Variants in EYA3 observed in about 807,000 individuals in gnomAD.
EYA3 encodes the protein EYA transcriptional coactivator and phosphatase 3.
Under a neutral mutation model 80.0 loss-of-function variants are expected in EYA3, and 39 were observed. That is an observed-to-expected ratio of 0.49 (90% confidence interval 0.38 to 0.64). The LOEUF (loss-of-function observed/expected upper bound fraction) is 0.64, where lower values mean the gene tolerates loss of function less well. Among genes scored for constraint, EYA3 ranks in the 30% least tolerant of loss-of-function variants. The probability of loss-of-function intolerance (pLI) is 0.00; values close to 1 mark genes in which losing one functional copy is unlikely to be tolerated. For synonymous variants in EYA3, 206 were observed against 232.8 expected (o/e 0.88, Z 1.05); for missense variants, 523 against 676.1 (o/e 0.77, Z 2.51).
rs549687694 is a variant in EYA3 at position 27,971,381 on chromosome 1, G to A, written c.*3085C>T. On this transcript the variant is annotated 3_prime_UTR_variant, in exon 18 of 18. Transcript: ENST00000373871. ...GGCCAAGGTGAGCAGATCACCTGAG[G>A]TCAGGAGTTTGAGAACAGCCTGGTC... 1 of 152,252 alleles carries A rather than the reference G, an allele frequency of 6.6e-6. No individual in the cohort carries two copies. Among genetic ancestry groups the A allele is most frequent in the East Asian group, 1.9e-4 (1 of 5,164 alleles). 9.4% of individuals were successfully genotyped at this position (152,252 alleles called of 1,614,324 possible). A position where few individuals can be genotyped will look rare whatever the true frequency, so the allele number is the denominator to read the frequency against.
intron 1 of EYA3, among the ~76,000 whole-genome samples, chr1:28,067,266 GAAAC>G (rs1448196680): frequency 2.0e-5 from 3 of 152,102 alleles, no homozygotes; most frequent in Non-Finnish European, 2.9e-5. Flanking sequence ...CGAAAAATGA[GAAAC>G]AAACAACATG....
chr1:28,058,232 CG>C lies in EYA3; in HGVS notation c.-68-139del, dbSNP rs1644500725. On this transcript the variant is annotated intron_variant, in intron 1 of 17. Transcript: ENST00000373871. ...CCAATCACAAAATCTCAAACCTGCACGTGGCTTTTCAAAAATGACATGCTAC... is the reference window on the plus strand; with the variant it reads ...CCAATCACAAAATCTCAAACCTGCACTGGCTTTTCAAAAATGACATGCTAC... 4 of 413,502 alleles carry C rather than the reference CG, an allele frequency of 9.7e-6. No individual in the cohort carries two copies. The South Asian group carries it at 2.9e-4, about 30-fold the overall frequency. 25.6% of individuals were successfully genotyped at this position (413,502 alleles called of 1,614,324 possible).
intron 8 of EYA3, among the ~76,000 whole-genome samples, chr1:28,014,474 T>C (rs560489086): frequency 5.3e-4 from 76 of 142,698 alleles, no homozygotes; most frequent in African/African-American, 2.0e-3. Context: ...ACGCCTATAA[T>C]TCCAGCACTT....
chr1:28,022,118 T>C (rs1004688706), intron 7 of EYA3, among the ~76,000 whole-genome samples: 2 of 152,188 alleles, frequency 1.3e-5, no homozygotes, highest in African/African-American at 4.8e-5. Context: ...ACAAGGAGCT[T>C]AGTAAATCAA....
At chr1:28,050,750 C>G (rs1204936717) in intron 2 of EYA3, among the ~76,000 whole-genome samples, 1 of 152,028 alleles carries the variant, frequency 6.6e-6, no homozygotes, top group Non-Finnish European at 1.5e-5. Flanking sequence ...ATGCCCCCCT[C>G]TAAGGCAGGG....
intron 17 of EYA3, chr1:27,977,277 C>A (rs199658850): frequency 7.1e-6 from 11 of 1,546,254 alleles, no homozygotes; most frequent in African/African-American, 4.1e-5. Context: ...AACTGATTAC[C>A]AATCTCATAG....
intron 1 of EYA3, among the ~76,000 whole-genome samples, chr1:28,086,812 T>G (rs1645673217): frequency 6.6e-6 from 1 of 152,200 alleles, no homozygotes; most frequent in African/African-American, 2.4e-5. Flanking sequence ...ATAAGAAACT[T>G]TCAAAGAGGC....
intron 1 of EYA3, among the ~76,000 whole-genome samples, chr1:28,077,830 C>T (rs977638925): frequency 6.6e-6 from 1 of 152,104 alleles, no homozygotes; most frequent in South Asian, 2.1e-4. Flanking sequence ...CAAAGTTGTA[C>T]CCTATGTCAT....
rs2148712741 is a variant in EYA3, at chr1:27,984,130, G to C, written c.1540+4405C>G. Among the ~76,000 whole-genome samples, 3 of 152,158 alleles carry C rather than the reference G, an allele frequency of 2.0e-5. No homozygotes were observed. The South Asian group carries it at 6.2e-4, about 32-fold the overall frequency. ...CTCACTGCAGCCTCCTTGAACTCTT[G>C]GGCTCAAGTGATCCTCCCGCCTTAG... On this transcript the variant is annotated intron_variant, in intron 16 of 17. Coordinates refer to ENST00000373871, the MANE Select transcript of EYA3 (RefSeq NM_001990.4).
intron 5 of EYA3, among the ~76,000 whole-genome samples, chr1:28,036,175 T>C (rs917080831): frequency 1.3e-5 from 2 of 152,182 alleles, no homozygotes; most frequent in African/African-American, 4.8e-5. Context: ...TCTCCTATCA[T>C]CAACCCAAGG....
intron 16 of EYA3, among the ~76,000 whole-genome samples, chr1:27,984,165 T>A (rs771106073): frequency 3.3e-5 from 5 of 152,080 alleles, no homozygotes; most frequent in Non-Finnish European, 7.4e-5. Flanking sequence ...GCCTCTTGAG[T>A]AGCTGGGATT....
intron 1 of EYA3, among the ~76,000 whole-genome samples, chr1:28,060,968 C>A (rs1207225708): frequency 6.6e-6 from 1 of 152,096 alleles, no homozygotes. Flanking sequence ...GAGCTGAGAT[C>A]GCACCACTGC....
At chr1:28,059,789 C>A (rs954860217) in intron 1 of EYA3, among the ~76,000 whole-genome samples, 1 of 146,348 alleles carries the variant, frequency 6.8e-6, no homozygotes, top group Non-Finnish European at 1.5e-5. Flanking sequence ...GGCGCAATCT[C>A]GGCTAACTGC....
At chr1:28,050,824 T>C (rs1444760319) in intron 2 of EYA3, among the ~76,000 whole-genome samples, 1 of 152,180 alleles carries the variant, frequency 6.6e-6, no homozygotes, top group Non-Finnish European at 1.5e-5. Flanking sequence ...ACAGACAGAT[T>C]TTACTCAATT....
Position 28,035,609 on chromosome 1 carries a change from A to G in EYA3, c.296T>C (p.Leu99Pro). 3 of 1,614,020 alleles carry G rather than the reference A, an allele frequency of 1.9e-6. No homozygotes were observed. Among genetic ancestry groups the G allele is most frequent in the Non-Finnish European group, 2.5e-6 (3 of 1,179,884 alleles). The change falls in exon 6 of 18, where the codon CTA (leucine) becomes CCA (proline). Residue 99 changes from leucine to proline, a missense_variant. Coordinates refer to ENST00000373871, the MANE Select transcript of EYA3 (RefSeq NM_001990.4). ...GACAGCATAGGGTTGAGTCTGCTGT[A>G]GTGTCTGGTATTGAGTCTGTCCAGG... ...AYPGQTQYQT[L>P]QQTQPYAVYP...
chr1:28,085,794 T>C (rs1410090102), intron 1 of EYA3, among the ~76,000 whole-genome samples: 2 of 151,920 alleles, frequency 1.3e-5, no homozygotes, highest in Non-Finnish European at 2.9e-5. Context: ...TGTTTTGGTT[T>C]GGCAGCTAGG....
chr1:27,976,940 A>T, intron 17 of EYA3: 1 of 785,060 alleles, frequency 1.3e-6, no homozygotes, highest in African/African-American at 1.9e-5. Context: ...CTAGTCTCGA[A>T]CTCCTGACCT....
At chr1:28,010,551 G>GTA (rs569859455) in intron 10 of EYA3, among the ~76,000 whole-genome samples, 48 of 151,922 alleles carry the variant, frequency 3.2e-4, no homozygotes, top group African/African-American at 1.1e-3. Flanking sequence ...GCTAATTCTT[G>GTA]TATATATATA....
At chr1:27,996,890 G>A (rs1306310794) in intron 13 of EYA3, among the ~76,000 whole-genome samples, 1 of 152,142 alleles carries the variant, frequency 6.6e-6, no homozygotes, top group Non-Finnish European at 1.5e-5. Flanking sequence ...AATAAAATGT[G>A]GAAGACTACC....
Sources: gnomAD v4.1 joint callset for allele counts (sites outside exome capture counted in the v4.1 genomes callset) on GRCh38, gnomAD v4.1.1 for gene constraint, MANE v1.5 for transcripts, NCBI Gene and HGNC (gene_info 2026-07-23, HGNC 2026-07-21) for gene names.